STAT4: variants seen among roughly 807,000 people sequenced by gnomAD.
STAT4 encodes signal transducer and activator of transcription 4.
A neutral mutation model predicts 110.5 loss-of-function variants in STAT4; 42 were observed. The ratio of observed to expected loss-of-function variants is 0.38; its 90% CI spans 0.30 to 0.49. The LOEUF is 0.49. Ranked by LOEUF, STAT4 falls within the 20% of genes least tolerant of loss-of-function variation. The pLI, the probability that STAT4 is intolerant of heterozygous loss-of-function variation, is 0.95. For missense variants in STAT4, 632 were observed against 887.9 expected (o/e 0.71, Z 3.66); for synonymous variants, 284 against 302.2 (o/e 0.94, Z 0.63).
intron 3 of STAT4, among the ~76,000 whole-genome samples, chr2:191,102,627 C>A (rs774214070): frequency 8.5e-5 from 13 of 152,142 alleles, no homozygotes; most frequent in Non-Finnish European, 1.6e-4. Context: ...AATCACAATT[C>A]ACAATGAATG....
intron 17 of STAT4, 31 bp from the exon 18 acceptor site, chr2:191,034,628 A>C (rs955798457): frequency 6.5e-7 from 1 of 1,536,606 alleles, no homozygotes; most frequent in Admixed American, 1.7e-5. Flanking sequence ...GAAATTTTTC[A>C]CTGGACAATG....
chr2:191,081,421 T>C (rs796764036), intron 3 of STAT4, among the ~76,000 whole-genome samples: 14 of 152,334 alleles, frequency 9.2e-5, no homozygotes, highest in African/African-American at 3.1e-4. Context: ...TGTCACACTG[T>C]CTTCCACAAC....
At chr2:191,064,552 G>C (rs932169) in intron 8 of STAT4, among the ~76,000 whole-genome samples, 8,170 of 152,178 alleles carry the variant, frequency 0.054, 323 homozygotes, top group Non-Finnish European at 0.088. Flanking sequence ...AAATTTATTC[G>C]AGTCTTTTAC....
chr2:191,090,249 CTGAAAT>C lies in STAT4; in HGVS notation c.274-13930_274-13925del, dbSNP rs1252082826. 6.6e-6 allele frequency among the ~76,000 whole-genome samples: 1 copy of C among 151,928 alleles called. No individual in the cohort carries two copies. Among genetic ancestry groups the C allele is most frequent in the Non-Finnish European group, 1.5e-5 (1 of 67,970 alleles). On this transcript the variant is annotated intron_variant, in intron 3 of 23. Transcript: ENST00000392320. This position sits in a 1 kb window ranked among gnomAD's most constrained non-coding sequence, Gnocchi z 4.2. ...CTAAAAAACAAATCCTTTTTATTTT[CTGAAAT>C]TGTCTTACTAAAAAGTTTCAGTTCT...
Position 191,029,906 on chromosome 2 carries a change from G to T in STAT4, c.2221-40C>A. 1.3e-6 allele frequency: 2 copies of T among 1,485,668 alleles called. No homozygotes were observed. Among genetic ancestry groups the T allele is most frequent in the East Asian group, 2.3e-5 (1 of 43,172 alleles). The allele number at this position is 1,485,668 out of a possible 1,614,324, so 92.0% of individuals were successfully genotyped here. A position where few individuals can be genotyped will look rare whatever the true frequency, so the allele number is the denominator to read the frequency against. On this transcript the variant is annotated intron_variant, in intron 23 of 23. Transcript: ENST00000392320. The surrounding 1 kb of genome is among the most constrained non-coding windows in gnomAD (Gnocchi z 4.5). ...GAAAATAATCTTTGAGGAAACTACT[G>T]GTTTTCAAATCAATCACTATTTCTT...
At position 191,112,629 on chromosome 2, in the gene STAT4, T is replaced by C. The variant is rs1304811864; in HGVS notation, c.273+33984A>G. 2.0e-5 allele frequency among the ~76,000 whole-genome samples: 3 copies of C among 152,386 alleles called. No homozygotes were observed. The highest frequency in any genetic ancestry group is 3.9e-4 in the East Asian group (2 of 5,194). ...TCTAAGAAAAAAGAAGCTTTTGTTA[T>C]TACTGTTATTACTTTCCCAAGTACG... On this transcript the variant is annotated intron_variant, in intron 3 of 23. Coordinates refer to ENST00000392320, the MANE Select transcript of STAT4 (RefSeq NM_003151.4). The surrounding 1 kb of genome is among the most constrained non-coding windows in gnomAD (Gnocchi z 4.3).
intron 3 of STAT4, among the ~76,000 whole-genome samples, chr2:191,088,984 C>A (rs1337479080): frequency 1.3e-5 from 2 of 152,036 alleles, no homozygotes; most frequent in Admixed American, 6.6e-5. Context: ...AAACTATAAA[C>A]GTCTTAGAAG....
intron 13 of STAT4, 84 bp from the exon 14 acceptor site, chr2:191,054,618 T>C (rs1357430300): frequency 2.4e-6 from 3 of 1,235,124 alleles, no homozygotes; most frequent in Non-Finnish European, 3.5e-6. Context: ...GCGGTCATTT[T>C]CTTGGCCACA....
intron 3 of STAT4, among the ~76,000 whole-genome samples, chr2:191,133,496 T>C (rs1028271017): frequency 1.3e-5 from 2 of 151,542 alleles, no homozygotes; most frequent in African/African-American, 2.4e-5. Flanking sequence ...GGAGCAGCAG[T>C]AGTAATTCCA....
At chr2:191,064,296 T>C (rs1217073879) in intron 8 of STAT4, among the ~76,000 whole-genome samples, 1 of 152,196 alleles carries the variant, frequency 6.6e-6, no homozygotes, top group Non-Finnish European at 1.5e-5. Flanking sequence ...AAAATCTACT[T>C]TCTTAGTAAT....
In STAT4 at chr2:191,031,990, C is replaced by T. The variant is rs3024896; in HGVS notation, c.2045-474G>A. On this transcript the variant is annotated intron_variant, in intron 21 of 23. Transcript: ENST00000392320. This position sits in a 1 kb window ranked among gnomAD's most constrained non-coding sequence, Gnocchi z 4.8. ...TGTAGTAACAGTCATGTGCAAACCT[C>T]ACCTTGGAAAAATTCCCCAAACTTC... Among the ~76,000 whole-genome samples, 25,585 of 152,168 alleles carry T rather than the reference C, an allele frequency of 0.17. 2,494 individuals carry two copies. The highest frequency in any genetic ancestry group is 0.37 in the East Asian group (1,935 of 5,178).
chr2:191,083,203 ACT>A lies in STAT4; in HGVS notation c.274-6880_274-6879del, dbSNP rs1210020277. On this transcript the variant is annotated intron_variant, in intron 3 of 23. Coordinates refer to ENST00000392320, the MANE Select transcript of STAT4 (RefSeq NM_003151.4). This position sits in a 1 kb window ranked among gnomAD's most constrained non-coding sequence, Gnocchi z 4.6. ...TAAGTGGGAGTTGGTCCCACAAAAC[ACT>A]GTTATGGGAGTGGGCAAGTGAGACG... is the stretch of plus-strand genomic sequence containing the variant. 6.6e-6 allele frequency among the ~76,000 whole-genome samples: 1 copy of A among 152,168 alleles called. No homozygotes were observed. Among genetic ancestry groups the A allele is most frequent in the African/African-American group, 2.4e-5 (1 of 41,448 alleles).
intron 3 of STAT4, among the ~76,000 whole-genome samples, chr2:191,128,438 G>A (rs188385931): frequency 1.3e-3 from 204 of 152,236 alleles, no homozygotes; most frequent in African/African-American, 4.7e-3. Flanking sequence ...GCAGCTCCGC[G>A]TTTCAAGCCA....
At chr2:191,095,016 C>T (rs536417295) in intron 3 of STAT4, among the ~76,000 whole-genome samples, 11 of 151,428 alleles carry the variant, frequency 7.3e-5, no homozygotes, top group African/African-American at 2.4e-4. Flanking sequence ...AAGGCCATCA[C>T]ATAATGGTAA....
rs975811928 is a variant in STAT4, at chr2:191,116,943, G to A, written c.273+29670C>T. ...CTCAAATATCCCTCCCGTTGGAGTG[G>A]CAAAGAATAATGAAATATACGTGAG... On this transcript the variant is annotated intron_variant, in intron 3 of 23. Transcript: ENST00000392320. The surrounding 1 kb of genome is among the most constrained non-coding windows in gnomAD (Gnocchi z 4.1). Among the ~76,000 whole-genome samples the A allele has an allele frequency of 2.6e-5, 4 of 152,252 alleles. No individual in the cohort carries two copies. The highest frequency in any genetic ancestry group is 1.3e-4 in the Admixed American group (2 of 15,278).
At chr2:191,056,095 T>G (rs1169069145) in intron 13 of STAT4, among the ~76,000 whole-genome samples, 3 of 152,242 alleles carry the variant, frequency 2.0e-5, no homozygotes, top group Non-Finnish European at 4.4e-5. Context: ...ATTTTATCTT[T>G]TAGAAAGTAG....
rs1455806724 is a variant in STAT4 at position 191,150,794 on chromosome 2, G to A, written c.-2+153C>T. 2.6e-5 allele frequency among the ~76,000 whole-genome samples: 4 copies of A among 152,360 alleles called. No individual in the cohort carries two copies. The highest frequency in any genetic ancestry group is 2.6e-4 in the Admixed American group (4 of 15,310). ...CCAGGGCGCATCTGTGGGTCGTGGA[G>A]TCGGGCGCTTCCTTCTATAATAAGC... On this transcript the variant is annotated intron_variant, in intron 1 of 23. Transcript: ENST00000392320. The surrounding 1 kb of genome is among the most constrained non-coding windows in gnomAD (Gnocchi z 6.4).
In STAT4 at chr2:191,042,421, A is replaced by G. The variant is rs1440388674; in HGVS notation, c.1252-1273T>C. ...TAAATATATGGCATGTTGAAGGCGC[A>G]GATCAACCGTTTGTAATGGGAAGAT... On this transcript the variant is annotated intron_variant, in intron 14 of 23. Coordinates refer to ENST00000392320, the MANE Select transcript of STAT4 (RefSeq NM_003151.4). This position sits in a 1 kb window ranked among gnomAD's most constrained non-coding sequence, Gnocchi z 4.2. 6.6e-6 allele frequency among the ~76,000 whole-genome samples: 1 copy of G among 152,254 alleles called. No homozygotes were observed. Among genetic ancestry groups the G allele is most frequent in the Non-Finnish European group, 1.5e-5 (1 of 68,044 alleles).
intron 14 of STAT4, among the ~76,000 whole-genome samples, chr2:191,047,301 C>T (rs535928649): frequency 1.4e-4 from 21 of 152,198 alleles, no homozygotes; most frequent in Middle Eastern, 3.4e-3. Context: ...TGAAATGTTC[C>T]CCTGAGTTTT....
Sources: allele counts gnomAD v4.1 joint callset (sites outside exome capture counted in the v4.1 genomes callset), GRCh38; gene constraint gnomAD v4.1.1; non-coding constraint Gnocchi (gnomAD v3.1); transcripts MANE v1.5; gene names NCBI Gene and HGNC (gene_info 2026-07-23, HGNC 2026-07-21).